DLG2: variants seen among roughly 807,000 people sequenced by gnomAD.
The protein encoded by DLG2 is disks large homolog 2.
In DLG2, 45 loss-of-function variants were observed where a neutral mutation model predicts 132.5. That is an observed-to-expected ratio of 0.34 (90% CI 0.27 to 0.44). DLG2 has a LOEUF of 0.44. Ranked by LOEUF, DLG2 falls within the 20% of genes least tolerant of loss-of-function variation. The probability of loss-of-function intolerance (pLI) is 1.00; values close to 1 mark genes in which losing one functional copy is unlikely to be tolerated. For synonymous variants in DLG2, 424 were observed against 419.6 expected (o/e 1.01, Z -0.13); for missense variants, 1,045 against 1,196.9 (o/e 0.87, Z 1.87).
chr11:85,325,122 C>T (rs527944845), intron 3 of DLG2, among the ~76,000 whole-genome samples: 16 of 133,536 alleles, frequency 1.2e-4, no homozygotes, highest in Non-Finnish European at 1.4e-4. Context: ...GAGGGTCCTA[C>T]GCCCACGGAA....
At chr11:84,414,716 T>C (rs983755846) in intron 7 of DLG2, among the ~76,000 whole-genome samples, 2 of 152,170 alleles carry the variant, frequency 1.3e-5, no homozygotes, top group Non-Finnish European at 2.9e-5. Flanking sequence ...TATGCGACTA[T>C]TTACAAACAA....
intron 3 of DLG2, among the ~76,000 whole-genome samples, chr11:85,344,399 A>G (rs528138491): frequency 5.3e-5 from 8 of 152,280 alleles, no homozygotes; most frequent in Non-Finnish European, 1.2e-4. Context: ...GGGCTTCTTT[A>G]GAGCCTAATG....
chr11:84,066,084 T>G (rs918960743), intron 10 of DLG2, among the ~76,000 whole-genome samples: 1 of 152,102 alleles, frequency 6.6e-6, no homozygotes, highest in Non-Finnish European at 1.5e-5. Context: ...GAAGTTGGGA[T>G]GAGGGTGAGC....
intron 7 of DLG2, among the ~76,000 whole-genome samples, chr11:84,444,316 A>G (rs187031287): frequency 1.1e-3 from 162 of 152,328 alleles, no homozygotes; most frequent in African/African-American, 3.7e-3. Flanking sequence ...GCAAAACACC[A>G]TGGCTCATGT....
intron 15 of DLG2, among the ~76,000 whole-genome samples, chr11:83,924,482 G>C (rs1419745907): frequency 6.6e-6 from 1 of 152,080 alleles, no homozygotes; most frequent in Non-Finnish European, 1.5e-5. Flanking sequence ...AGTAAATTTT[G>C]AAGCCTTAAT....
intron 7 of DLG2, among the ~76,000 whole-genome samples, chr11:84,464,428 T>C (rs1470840080): frequency 6.6e-6 from 1 of 151,220 alleles, no homozygotes; most frequent in Non-Finnish European, 1.5e-5. Context: ...AATCTAGTTA[T>C]GTGATAGAGC....
intron 4 of DLG2, among the ~76,000 whole-genome samples, chr11:85,262,009 G>A (rs1219123945): frequency 6.6e-6 from 1 of 152,170 alleles, no homozygotes; most frequent in Non-Finnish European, 1.5e-5. Context: ...TGTCAGGAGA[G>A]TCACTGAGGC....
chr11:83,757,747 A>C (rs543267760), intron 18 of DLG2, among the ~76,000 whole-genome samples: 1 of 152,118 alleles, frequency 6.6e-6, no homozygotes, highest in South Asian at 2.1e-4. Context: ...ACATATACAC[A>C]CTCATACATG....
At chr11:83,498,180 C>T (rs1215990425) in intron 21 of DLG2, among the ~76,000 whole-genome samples, 1 of 151,966 alleles carries the variant, frequency 6.6e-6, no homozygotes, top group African/African-American at 2.4e-5. Flanking sequence ...GGCTGTATGA[C>T]TTTAGAAATA....
chr11:84,369,399 T>C (rs149052051), intron 7 of DLG2, among the ~76,000 whole-genome samples: 1 of 152,306 alleles, frequency 6.6e-6, no homozygotes, highest in East Asian at 1.9e-4. Context: ...ATATTTCTCA[T>C]GCATTAAAAT....
chr11:84,059,110 A>G (rs994496993), intron 11 of DLG2, among the ~76,000 whole-genome samples: 2 of 152,176 alleles, frequency 1.3e-5, no homozygotes, highest in Non-Finnish European at 2.9e-5. Flanking sequence ...ATGTTTCTAC[A>G]TAAATCTACT....
At chr11:85,163,956 A>C (rs1444000774) in intron 4 of DLG2, among the ~76,000 whole-genome samples, 1 of 152,186 alleles carries the variant, frequency 6.6e-6, no homozygotes, top group African/African-American at 2.4e-5. Context: ...TATGAAACTC[A>C]AATAAGGGAC....
chr11:85,491,228 A>C (rs1474858129), intron 3 of DLG2, among the ~76,000 whole-genome samples: 1 of 152,156 alleles, frequency 6.6e-6, no homozygotes, highest in Non-Finnish European at 1.5e-5. Context: ...GCATCCTTTC[A>C]TGATAAAAAC....
chr11:85,198,026 C>G (rs188999623), intron 4 of DLG2, among the ~76,000 whole-genome samples: 2 of 152,048 alleles, frequency 1.3e-5, no homozygotes, highest in Admixed American at 1.3e-4. Flanking sequence ...AAATAACAGA[C>G]GAACGACATG....
chr11:83,958,631 A>G (rs2087579885), intron 14 of DLG2, among the ~76,000 whole-genome samples: 1 of 152,056 alleles, frequency 6.6e-6, no homozygotes, highest in Admixed American at 6.5e-5. Flanking sequence ...TCATTTTAGT[A>G]CTGTTTGCAT....
chr11:84,515,622 T>A (rs2099270544), intron 7 of DLG2, among the ~76,000 whole-genome samples: 1 of 151,784 alleles, frequency 6.6e-6, no homozygotes, highest in South Asian at 2.1e-4. Flanking sequence ...AGAGCCAGAC[T>A]AAAATTAATA....
intron 3 of DLG2, among the ~76,000 whole-genome samples, chr11:85,374,643 C>T (rs1032924117): frequency 1.3e-5 from 2 of 152,070 alleles, no homozygotes; most frequent in African/African-American, 4.8e-5. Flanking sequence ...GCCACTGCAG[C>T]GGGTCAAATA....
chr11:84,354,511 G>A (rs1398486658), intron 7 of DLG2, among the ~76,000 whole-genome samples: 1 of 151,828 alleles, frequency 6.6e-6, no homozygotes, highest in South Asian at 2.1e-4. Flanking sequence ...TTGTTGTCAG[G>A]GATGAGAAAA....
intron 6 of DLG2, among the ~76,000 whole-genome samples, chr11:84,740,263 C>G (rs954994997): frequency 6.6e-6 from 1 of 151,994 alleles, no homozygotes; most frequent in Non-Finnish European, 1.5e-5. Context: ...AGCCCCATCT[C>G]CCTCCTTCCA....
Sources: gnomAD v4.1 joint callset for allele counts (sites outside exome capture counted in the v4.1 genomes callset) on GRCh38, gnomAD v4.1.1 for gene constraint, MANE v1.5 for transcripts, NCBI Gene and HGNC (gene_info 2026-07-23, HGNC 2026-07-21) for gene names.